Variants in MCMDC2 observed in about 807,000 individuals in gnomAD.
The protein encoded by MCMDC2 is minichromosome maintenance domain containing 2, also known as minichromosome maintenance domain-containing protein 2.
Under a neutral mutation model 75.8 loss-of-function variants are expected in MCMDC2, and 54 were observed. The observed-to-expected ratio is 0.71, with a 90% confidence interval of 0.57 to 0.89. The LOEUF is 0.89. Among genes scored for constraint, MCMDC2 ranks in the 40% least tolerant of loss-of-function variants. MCMDC2 has a pLI of 0.00. For missense variants in MCMDC2, 656 were observed against 780.4 expected (o/e 0.84, Z 1.90); for synonymous variants, 249 against 274.6 (o/e 0.91, Z 0.92).
At chr8:66,908,024 G>C (rs987601395) in intron 14 of MCMDC2, among the ~76,000 whole-genome samples, 2 of 152,138 alleles carry the variant, frequency 1.3e-5, no homozygotes, top group Non-Finnish European at 1.5e-5. Flanking sequence ...TAGGTTGCCT[G>C]TTCACTCTGA....
At chr8:66,884,575 A>G (rs1336677254) in intron 9 of MCMDC2, 1 of 151,808 alleles carries the variant, frequency 6.6e-6, no homozygotes, top group Admixed American at 6.6e-5. Flanking sequence ...AAATAAATTT[A>G]CAAAATGAAT....
At chr8:66,873,136 A>G (rs1158927597) in intron 1 of MCMDC2, among the ~76,000 whole-genome samples, 1 of 152,098 alleles carries the variant, frequency 6.6e-6, no homozygotes, top group African/African-American at 2.4e-5. Flanking sequence ...ACTGACATAT[A>G]TTGTTTCCAA....
intron 14 of MCMDC2, among the ~76,000 whole-genome samples, chr8:66,910,213 T>TAA (rs1272021936): frequency 6.6e-6 from 1 of 152,110 alleles, no homozygotes; most frequent in Non-Finnish European, 1.5e-5. Flanking sequence ...GCTAGGGCAG[T>TAA]GAGGAAGGGA....
intron 4 of MCMDC2, among the ~76,000 whole-genome samples, 167 bp from the exon 5 acceptor site, chr8:66,877,179 ACTT>A (rs576297910): frequency 6.6e-5 from 10 of 152,154 alleles, no homozygotes; most frequent in Non-Finnish European, 1.5e-4. Context: ...CAGGATTTTT[ACTT>A]CTTTAATTTT....
rs1179230322 is a variant in MCMDC2, at chr8:66,912,435, A to G, written c.1880-6568A>G. Among the ~76,000 whole-genome samples the G allele has an allele frequency of 3.3e-5, 5 of 152,264 alleles. No individual in the cohort carries two copies. In the East Asian group the frequency reaches 7.7e-4, roughly 23 times the overall value. ...GACAACAAAGGATTTAGAATAGTCC[A>G]TAAACTTAGTTGATAAAGCAGTGGC... is the stretch of plus-strand genomic sequence containing the variant. On this transcript the variant is annotated intron_variant, in intron 14 of 14. Coordinates refer to ENST00000422365, the MANE Select transcript of MCMDC2 (RefSeq NM_173518.5).
chr8:66,891,789 G>A (rs541478930), intron 10 of MCMDC2, among the ~76,000 whole-genome samples: 2 of 152,196 alleles, frequency 1.3e-5, no homozygotes, highest in African/African-American at 2.4e-5. Context: ...GTAAGCACAG[G>A]GTCTGGCCAC....
Position 66,874,179 on chromosome 8 carries a change from T to C in MCMDC2, c.39T>C (p.Tyr13=), listed in dbSNP as rs930995318. 41 of 1,610,048 alleles carry C rather than the reference T, an allele frequency of 2.5e-5. No individual in the cohort carries two copies. The highest frequency in any genetic ancestry group is 3.3e-5 in the Non-Finnish European group (39 of 1,178,932). The change falls in exon 2 of 15, where the codon TAT becomes TAC. Residue 13 remains tyrosine (Y), a synonymous_variant. Coordinates refer to ENST00000422365, the MANE Select transcript of MCMDC2 (RefSeq NM_173518.5). ...AAATGAAAGAGGCGGCCCTCATCTATCTTGACAGAAGTGGAGGCCTCCAAA... is the reference window on the plus strand; with the variant it reads ...AAATGAAAGAGGCGGCCCTCATCTACCTTGACAGAAGTGGAGGCCTCCAAA... ...NLKMKEAALI[Y]LDRSGGLQKF...
chr8:66,908,526 T>C (rs1812990742), intron 14 of MCMDC2, among the ~76,000 whole-genome samples: 1 of 152,206 alleles, frequency 6.6e-6, no homozygotes, highest in Admixed American at 6.5e-5. Context: ...TGGAGTACGG[T>C]AATAAGATGA....
intron 1 of MCMDC2, 111 bp from the exon 2 acceptor site, chr8:66,873,942 T>C: frequency 2.3e-6 from 1 of 426,666 alleles, no homozygotes; most frequent in Non-Finnish European, 4.1e-6. Context: ...TTTCATTGGG[T>C]AGGAATGTTT....
downstream of MCMDC2, among the ~76,000 whole-genome samples, chr8:66,924,600 A>C (rs2130885323): frequency 6.8e-6 from 1 of 148,042 alleles, no homozygotes; most frequent in East Asian, 2.0e-4. Flanking sequence ...GCGTCACTGC[A>C]CTCCACCCTG....
At chr8:66,876,143 C>T (rs996422792) in intron 4 of MCMDC2, among the ~76,000 whole-genome samples, 2 of 152,144 alleles carry the variant, frequency 1.3e-5, no homozygotes, top group Non-Finnish European at 1.5e-5. Context: ...GTTTTAGCAG[C>T]CATTGATGTT....
downstream of MCMDC2, among the ~76,000 whole-genome samples, chr8:66,924,633 C>CA (rs201097719): frequency 0.074 from 6,001 of 80,948 alleles, 140 homozygotes; most frequent in South Asian, 0.12. Flanking sequence ...GACTCTGGCT[C>CA]AAAAAAAAAA....
At chr8:66,883,729 T>C in intron 8 of MCMDC2, 28 bp from the exon 9 acceptor site, 1 of 1,279,474 alleles carries the variant, frequency 7.8e-7, no homozygotes. Context: ...AAACCCTTTC[T>C]AATATATATG....
intron 1 of MCMDC2, among the ~76,000 whole-genome samples, chr8:66,871,725 A>C (rs1175560036): frequency 6.6e-6 from 1 of 152,088 alleles, no homozygotes. Flanking sequence ...AGCCTGGGCA[A>C]CACAGTAAAA....
chr8:66,914,523 A>G (rs1466841046), intron 14 of MCMDC2, among the ~76,000 whole-genome samples: 1 of 152,238 alleles, frequency 6.6e-6, no homozygotes, highest in Non-Finnish European at 1.5e-5. Flanking sequence ...AAAGAGGGCC[A>G]GGGTGGCTAA....
intron 14 of MCMDC2, among the ~76,000 whole-genome samples, chr8:66,910,304 C>T (rs966631729): frequency 2.0e-5 from 3 of 152,188 alleles, no homozygotes; most frequent in Non-Finnish European, 4.4e-5. Flanking sequence ...CTGCTGTCCT[C>T]CAGACCCCAG....
intron 14 of MCMDC2, among the ~76,000 whole-genome samples, chr8:66,916,414 T>C (rs1813324274): frequency 6.6e-6 from 1 of 152,068 alleles, no homozygotes; most frequent in Non-Finnish European, 1.5e-5. Flanking sequence ...TAATAGTTAT[T>C]GTGGGGGCTA....
At chr8:66,903,123 A>AAG (rs1298325054) in intron 13 of MCMDC2, among the ~76,000 whole-genome samples, 1 of 151,366 alleles carries the variant, frequency 6.6e-6, no homozygotes, top group East Asian at 1.9e-4. Context: ...ACTGTCTCAA[A>AAG]AAAAAAAAAA....
At chr8:66,906,662 G>A (rs985256175) in intron 14 of MCMDC2, among the ~76,000 whole-genome samples, 2 of 151,786 alleles carry the variant, frequency 1.3e-5, no homozygotes, top group Non-Finnish European at 2.9e-5. Flanking sequence ...AGAGAATAAC[G>A]CTGGTTCCCA....
Sources: gnomAD v4.1 joint callset for allele counts (sites outside exome capture counted in the v4.1 genomes callset) on GRCh38, gnomAD v4.1.1 for gene constraint, MANE v1.5 for transcripts, NCBI Gene and HGNC (gene_info 2026-07-23, HGNC 2026-07-21) for gene names.